Variants in RBMS1 observed in about 807,000 individuals in gnomAD.
RBMS1 encodes RNA-binding motif, single-stranded-interacting protein 1.
A neutral mutation model predicts 62.3 loss-of-function variants in RBMS1; 17 were observed. The ratio of observed to expected loss-of-function variants is 0.27; its 90% CI spans 0.19 to 0.41. The LOEUF (loss-of-function observed/expected upper bound fraction) is 0.41, where lower values mean the gene tolerates loss of function less well. RBMS1 is among the 10% of genes least tolerant of loss of function. RBMS1 has a pLI of 1.00. For synonymous variants in RBMS1, 172 were observed against 170.0 expected (o/e 1.01, Z -0.09); for missense variants, 334 against 504.5 (o/e 0.66, Z 3.24).
intron 2 of RBMS1, among the ~76,000 whole-genome samples, chr2:160,351,127 G>T (rs1162343615): frequency 6.7e-6 from 1 of 148,268 alleles, no homozygotes; most frequent in African/African-American, 2.5e-5. Flanking sequence ...ACTGAACAAT[G>T]AGAACACTTG....
intron 1 of RBMS1, among the ~76,000 whole-genome samples, chr2:160,391,452 A>G (rs1573987805): frequency 6.6e-6 from 1 of 152,184 alleles, no homozygotes; most frequent in East Asian, 1.9e-4. Flanking sequence ...TTTAAGAAAC[A>G]CAGTTTGTAG....
chr2:160,282,206 A>C (rs1363172118), intron 9 of RBMS1: 1 of 1,348,498 alleles, frequency 7.4e-7, no homozygotes, highest in Non-Finnish European at 1.0e-6. Context: ...CAGAGGTTCA[A>C]CAGAGAGGAT....
chr2:160,334,132 T>C (rs1338717452), intron 2 of RBMS1, among the ~76,000 whole-genome samples: 1 of 152,180 alleles, frequency 6.6e-6, no homozygotes, highest in Non-Finnish European at 1.5e-5. Flanking sequence ...AGCATTTATC[T>C]ATAGTACTTA....
chr2:160,289,023 C>T (rs1688549138), intron 6 of RBMS1, among the ~76,000 whole-genome samples: 1 of 152,030 alleles, frequency 6.6e-6, no homozygotes, highest in African/African-American at 2.4e-5. Context: ...CCTGCCTAAG[C>T]TCAACATGTG....
intron 1 of RBMS1, among the ~76,000 whole-genome samples, chr2:160,477,236 A>G (rs764707043): frequency 9.2e-5 from 14 of 152,198 alleles, no homozygotes; most frequent in Non-Finnish European, 1.6e-4. Flanking sequence ...GGTCTCAGCT[A>G]CTTCGGAGGC....
At chr2:160,286,400 G>A (rs901397058) in intron 7 of RBMS1, among the ~76,000 whole-genome samples, 59 of 148,282 alleles carry the variant, frequency 4.0e-4, no homozygotes, top group African/African-American at 1.4e-3. Flanking sequence ...GAACACTGCA[G>A]CCTCTGCCTC....
At chr2:160,311,369 T>C (rs2105962659) in intron 4 of RBMS1, among the ~76,000 whole-genome samples, 1 of 151,600 alleles carries the variant, frequency 6.6e-6, no homozygotes, top group South Asian at 2.1e-4. Context: ...GAAAGGTGAT[T>C]CCTCTTACTA....
At chr2:160,423,023 A>G (rs957957203) in intron 1 of RBMS1, among the ~76,000 whole-genome samples, 11 of 152,034 alleles carry the variant, frequency 7.2e-5, no homozygotes, top group African/African-American at 2.2e-4. Context: ...TCTCAAATAC[A>G]TATCTATACT....
intron 1 of RBMS1, among the ~76,000 whole-genome samples, chr2:160,379,424 T>C (rs1232107951): frequency 6.6e-6 from 1 of 152,214 alleles, no homozygotes; most frequent in Non-Finnish European, 1.5e-5. Context: ...TCCTCTGTTT[T>C]ATGGAGTCAG....
chr2:160,306,350 A>T (rs1290213851), intron 4 of RBMS1, among the ~76,000 whole-genome samples: 1 of 152,180 alleles, frequency 6.6e-6, no homozygotes, highest in African/African-American at 2.4e-5. Context: ...TTGAAAGTTT[A>T]CCGATGAGGA....
chr2:160,281,059 TGG>T (rs1688079928), intron 10 of RBMS1, among the ~76,000 whole-genome samples: 2 of 152,166 alleles, frequency 1.3e-5, no homozygotes, highest in Non-Finnish European at 2.9e-5. Flanking sequence ...TCTAAAGAGC[TGG>T]TATGAATAAG....
intron 4 of RBMS1, among the ~76,000 whole-genome samples, chr2:160,308,298 G>A (rs1027006663): frequency 6.6e-6 from 1 of 152,110 alleles, no homozygotes; most frequent in Non-Finnish European, 1.5e-5. Flanking sequence ...AGGAAGCTGA[G>A]GGTGGAAGGA....
intron 6 of RBMS1, among the ~76,000 whole-genome samples, chr2:160,291,141 A>C (rs897607969): frequency 6.6e-6 from 1 of 152,186 alleles, no homozygotes; most frequent in African/African-American, 2.4e-5. Flanking sequence ...AGCTCTCTAG[A>C]GTTTGTAACA....
At chr2:160,278,476 A>T in intron 11 of RBMS1, 72 bp downstream of exon 11, 4 of 1,214,932 alleles carry the variant, frequency 3.3e-6, no homozygotes, top group Non-Finnish European at 4.8e-6. Context: ...GTCATTTGAT[A>T]GGGAAGATAC....
At chr2:160,356,495 G>A (rs1299149984) in intron 2 of RBMS1, among the ~76,000 whole-genome samples, 1 of 149,458 alleles carries the variant, frequency 6.7e-6, no homozygotes, top group Non-Finnish European at 1.5e-5. Context: ...AGCATTCAGG[G>A]TACACTTGGA....
At chr2:160,381,966 T>A (rs986745508) in intron 1 of RBMS1, among the ~76,000 whole-genome samples, 1 of 152,228 alleles carries the variant, frequency 6.6e-6, no homozygotes, top group African/African-American at 2.4e-5. Flanking sequence ...CAGTACTTTC[T>A]AAATGGTGTT....
At chr2:160,455,239 T>C (rs1444586609) in intron 1 of RBMS1, among the ~76,000 whole-genome samples, 1 of 152,226 alleles carries the variant, frequency 6.6e-6, no homozygotes, top group Non-Finnish European at 1.5e-5. Context: ...AGCTGATGCT[T>C]TATAAATGGC....
At chr2:160,412,486 T>C (rs1696073084) in intron 1 of RBMS1, among the ~76,000 whole-genome samples, 1 of 152,142 alleles carries the variant, frequency 6.6e-6, no homozygotes. Flanking sequence ...GGTTAAAAGA[T>C]TTACTAAGTC....
Position 160,273,530 on chromosome 2 carries a change from C to T in RBMS1, c.*1242G>A, listed in dbSNP as rs920891473. On this transcript the variant is annotated 3_prime_UTR_variant, in exon 14 of 14. Transcript: ENST00000348849. ...AGAGAGAGAGAGAGAGAGCTAGTAG[C>T]CAATCGTTTTGCTTCTATTCGTTAT... 2.0e-5 allele frequency: 3 copies of T among 152,090 alleles called. No individual in the cohort carries two copies. Among genetic ancestry groups the T allele is most frequent in the African/African-American group, 7.2e-5 (3 of 41,474 alleles). The allele number at this position is 152,090 out of a possible 1,614,324, so 9.4% of individuals were successfully genotyped here. A position where few individuals can be genotyped will look rare whatever the true frequency, so the allele number is the denominator to read the frequency against.
Sources: gnomAD v4.1 joint callset for allele counts (sites outside exome capture counted in the v4.1 genomes callset) on GRCh38, gnomAD v4.1.1 for gene constraint, MANE v1.5 for transcripts, NCBI Gene and HGNC (gene_info 2026-07-23, HGNC 2026-07-21) for gene names.